The following TANC2 variants were observed in gnomAD, a reference collection of about 807,000 sequenced individuals.
The protein encoded by TANC2 is tetratricopeptide repeat, ankyrin repeat and coiled-coil containing 2.
A neutral mutation model predicts 210.5 loss-of-function variants in TANC2; 26 were observed. The observed-to-expected ratio is 0.12, with a 90% CI of 0.09 to 0.17. The LOEUF (loss-of-function observed/expected upper bound fraction) is 0.17, where lower values mean the gene tolerates loss of function less well. Among genes scored for constraint, TANC2 ranks in the 10% least tolerant of loss-of-function variants. The pLI is 1.00. For synonymous variants in TANC2, 931 were observed against 967.1 expected (o/e 0.96, Z 0.69); for missense variants, 2,129 against 2,608.9 (o/e 0.82, Z 4.01).
At chr17:63,191,990 A>G (rs751550638) in intron 5 of TANC2, among the ~76,000 whole-genome samples, 1 of 152,136 alleles carries the variant, frequency 6.6e-6, no homozygotes, top group African/African-American at 2.4e-5. Flanking sequence ...GGGATTCGCA[A>G]TTAGGTCCCT....
intron 5 of TANC2, among the ~76,000 whole-genome samples, chr17:63,173,146 C>T (rs2040464331): frequency 6.6e-6 from 1 of 152,094 alleles, no homozygotes. Context: ...AAGAGAATTT[C>T]AGGAAAATAT....
intron 7 of TANC2, among the ~76,000 whole-genome samples, chr17:63,225,127 C>T (rs1300061248): frequency 6.6e-6 from 1 of 152,136 alleles, no homozygotes; most frequent in African/African-American, 2.4e-5. Flanking sequence ...ACTTTGGAAC[C>T]ATTGACATTC....
chr17:63,388,903 T>C (rs891236165), intron 16 of TANC2, 146 bp downstream of exon 16: 19 of 614,720 alleles, frequency 3.1e-5, no homozygotes, highest in Non-Finnish European at 4.4e-5. Context: ...TTTAAATTGT[T>C]AAATTTTATT....
At chr17:63,262,466 AGGC>A (rs2043393173) in intron 8 of TANC2, among the ~76,000 whole-genome samples, 1 of 152,214 alleles carries the variant, frequency 6.6e-6, no homozygotes, top group Non-Finnish European at 1.5e-5. Flanking sequence ...CTGGGATTAC[AGGC>A]GCAAGCCACC....
intron 2 of TANC2, among the ~76,000 whole-genome samples, chr17:63,062,124 G>A (rs1033074860): frequency 3.3e-5 from 5 of 151,844 alleles, no homozygotes; most frequent in Admixed American, 2.6e-4. Context: ...GAGGTATTAC[G>A]ATGCTTTTTA....
intron 11 of TANC2, chr17:63,332,486 C>A: frequency 2.4e-6 from 1 of 410,176 alleles, no homozygotes; most frequent in South Asian, 2.0e-5. Context: ...TGGCACTGTT[C>A]CTTGGGCCTC....
intron 4 of TANC2, among the ~76,000 whole-genome samples, chr17:63,140,468 C>G (rs2039248266): frequency 6.6e-6 from 1 of 152,182 alleles, no homozygotes; most frequent in Non-Finnish European, 1.5e-5. Flanking sequence ...GTGAGACTTT[C>G]ATCATGATTT....
At chr17:63,076,575 A>C (rs1413809984) in intron 3 of TANC2, among the ~76,000 whole-genome samples, 1 of 152,218 alleles carries the variant, frequency 6.6e-6, no homozygotes, top group Non-Finnish European at 1.5e-5. Flanking sequence ...GCAGCTAACA[A>C]AGATGAGTAG....
intron 2 of TANC2, among the ~76,000 whole-genome samples, chr17:63,032,046 G>C (rs2034792071): frequency 6.6e-6 from 1 of 152,152 alleles, no homozygotes; most frequent in Non-Finnish European, 1.5e-5. Flanking sequence ...TATATAGGTA[G>C]TTTGGTACTG....
At chr17:63,112,687 C>A (rs930426180) in intron 4 of TANC2, among the ~76,000 whole-genome samples, 2 of 152,188 alleles carry the variant, frequency 1.3e-5, no homozygotes, top group African/African-American at 4.8e-5. Flanking sequence ...GAGAGGAATA[C>A]AGAAATGTGT....
In TANC2 at chr17:63,221,103, A is replaced by G. The variant is rs1363117231; in HGVS notation, c.770-16711A>G. 3.9e-5 allele frequency among the ~76,000 whole-genome samples: 6 copies of G among 152,150 alleles called. No individual in the cohort carries two copies. In the East Asian group the frequency reaches 1.2e-3, roughly 29 times the overall value. Reference sequence around the variant, plus strand: ...CTAAAAGAAAAATAACTGATGTTTGACTGCCAAAATTTAAAATATTTACTC... The same window carrying G: ...CTAAAAGAAAAATAACTGATGTTTGGCTGCCAAAATTTAAAATATTTACTC... On this transcript the variant is annotated intron_variant, in intron 7 of 27. Transcript: ENST00000689528.
intron 3 of TANC2, among the ~76,000 whole-genome samples, chr17:63,084,788 C>G (rs2036900193): frequency 1.3e-5 from 2 of 152,028 alleles, no homozygotes; most frequent in South Asian, 4.1e-4. Context: ...GATTTTTCAG[C>G]TATCTTTCTG....
At chr17:63,215,018 C>G (rs556279224) in intron 7 of TANC2, among the ~76,000 whole-genome samples, 1 of 152,260 alleles carries the variant, frequency 6.6e-6, no homozygotes, top group Non-Finnish European at 1.5e-5. Context: ...CCATGTAGTC[C>G]TAGAGACCAT....
intron 11 of TANC2, among the ~76,000 whole-genome samples, chr17:63,336,820 C>G (rs2046046552): frequency 6.6e-6 from 1 of 152,050 alleles, no homozygotes; most frequent in South Asian, 2.1e-4. Context: ...AAGAATTCGC[C>G]AAGGAGAAAG....
At chr17:63,023,425 C>T (rs1313349054) in intron 2 of TANC2, among the ~76,000 whole-genome samples, 3 of 152,106 alleles carry the variant, frequency 2.0e-5, no homozygotes, top group Admixed American at 6.5e-5. Flanking sequence ...AGACTAGACT[C>T]GAACTCCTGG....
chr17:63,303,766 C>T (rs1349136285), intron 9 of TANC2, among the ~76,000 whole-genome samples: 2 of 151,788 alleles, frequency 1.3e-5, no homozygotes, highest in Non-Finnish European at 2.9e-5. Flanking sequence ...TTACATAGTC[C>T]CATATTTCTT....
At chr17:63,401,219 G>T (rs1020398585) in intron 19 of TANC2, among the ~76,000 whole-genome samples, 1 of 152,186 alleles carries the variant, frequency 6.6e-6, no homozygotes, top group East Asian at 1.9e-4. Context: ...ATACAAAAGT[G>T]GTCTGTGACC....
chr17:63,355,789 C>G (rs1324592833), intron 14 of TANC2, among the ~76,000 whole-genome samples: 1 of 152,034 alleles, frequency 6.6e-6, no homozygotes, highest in African/African-American at 2.4e-5. Flanking sequence ...TTTTATTGCC[C>G]TTTTATAAAA....
At chr17:63,255,067 A>T (rs1006492025) in intron 8 of TANC2, among the ~76,000 whole-genome samples, 1 of 90,904 alleles carries the variant, frequency 1.1e-5, no homozygotes, top group African/African-American at 4.0e-5. Context: ...TTTTTTATTT[A>T]TTTATTTATT....
Sources: allele counts gnomAD v4.1 joint callset (sites outside exome capture counted in the v4.1 genomes callset), GRCh38; gene constraint gnomAD v4.1.1; transcripts MANE v1.5; gene names NCBI Gene and HGNC (gene_info 2026-07-23, HGNC 2026-07-21).